The following SEC24C variants were observed in gnomAD, a reference collection of about 807,000 sequenced individuals.
SEC24C encodes the protein protein transport protein Sec24C.
A neutral mutation model predicts 117.0 loss-of-function variants in SEC24C; 22 were observed. The ratio of observed to expected loss-of-function variants is 0.19; its 90% CI spans 0.13 to 0.27. SEC24C has a LOEUF of 0.27. SEC24C is among the 10% of genes least tolerant of loss of function. SEC24C has a pLI of 1.00. For missense variants in SEC24C, 1,155 were observed against 1,375.1 expected (o/e 0.84, Z 2.53); for synonymous variants, 506 against 529.4 (o/e 0.96, Z 0.61).
rs760632075 is a variant in SEC24C, at chr10:73,760,838, A to G, written c.976A>G (p.Ile326Val). The change falls in exon 6 of 23, where the codon ATC becomes GTC. Residue 326 changes from isoleucine (I) to valine (V), a missense_variant. Around this residue, in one of 2 missense-constraint regions of SEC24C, gnomAD observed 759 missense variants for 992.3 expected, o/e 0.76. Transcript: ENST00000345254. ...TCCTAAGCGCCTGGACCCTGATGCC[A>G]TCCCAAGCCCTGTAAGTAGAAACTT... ...LPPKRLDPDAIPSPIQVIEDD... is the reference protein window; with the variant it reads ...LPPKRLDPDAVPSPIQVIEDD... 1 of 1,611,688 alleles carries G rather than the reference A, an allele frequency of 6.2e-7. No homozygotes were observed. Among genetic ancestry groups the G allele is most frequent in the Non-Finnish European group, 8.5e-7 (1 of 1,179,216 alleles).
chr10:73,760,449 T>A, intron 5 of SEC24C, 63 bp downstream of exon 5: 1 of 1,497,684 alleles, frequency 6.7e-7, no homozygotes, highest in Non-Finnish European at 8.9e-7. Context: ...TGGTTTTTGA[T>A]GTTTTTTATT....
chr10:73,766,877 C>G lies in SEC24C; in HGVS notation c.1893+24C>G, dbSNP rs372547849. 6.3e-6 allele frequency: 10 copies of G among 1,588,948 alleles called. No homozygotes were observed. In the African/African-American group the frequency reaches 1.2e-4, roughly 19 times the overall value. ...AGGTAAGGCTGGAGTATCGGGCAACCTCCTCTAACTCCATTTTCCTCTGAC... is the reference window on the plus strand; with the variant it reads ...AGGTAAGGCTGGAGTATCGGGCAACGTCCTCTAACTCCATTTTCCTCTGAC... On this transcript the variant is annotated intron_variant, in intron 13 of 22. Transcript: ENST00000345254.
chr10:73,766,334 A>G lies in SEC24C; in HGVS notation c.1608-16A>G, dbSNP rs766770842. On this transcript the variant is annotated splice_polypyrimidine_tract_variant and intron_variant, in intron 11 of 22. Coordinates refer to ENST00000345254, the MANE Select transcript of SEC24C (RefSeq NM_198597.3). ...GAAAAGGTGGCAAGTCTAGGTAACA[A>G]TGTCACCTTCTACAGGGAGGGTGGG... 3.8e-6 allele frequency: 6 copies of G among 1,591,328 alleles called. No homozygotes were observed. Among genetic ancestry groups the G allele is most frequent in the Non-Finnish European group, 5.1e-6 (6 of 1,166,226 alleles).
rs771180347 is a variant in SEC24C at position 73,746,796 on chromosome 10, C to A, written c.-28-9C>A. 2.6e-6 allele frequency: 4 copies of A among 1,554,186 alleles called. No individual in the cohort carries two copies. The highest frequency in any genetic ancestry group is 2.4e-5 in the South Asian group (2 of 83,462). ...GTTCATTTTGACTAATTTCTCCTCT[C>A]TCTCACAGGTGAGATCAAATTGGGA... On this transcript the variant is annotated splice_polypyrimidine_tract_variant and intron_variant, in intron 1 of 22. Coordinates refer to ENST00000345254, the MANE Select transcript of SEC24C (RefSeq NM_198597.3).
chr10:73,748,794 G>A (rs1173291064), intron 2 of SEC24C, among the ~76,000 whole-genome samples: 2 of 151,662 alleles, frequency 1.3e-5, no homozygotes, highest in South Asian at 4.2e-4. Flanking sequence ...CCAGGCTGGA[G>A]TGCAATGGCA....
In SEC24C at chr10:73,766,192, T is replaced by A. The variant is rs748917945; in HGVS notation, c.1589T>A (p.Leu530Gln). ...CTCCTCTGTGAGGAGCTCAAGTCAC[T>A]GTTAGACTTTCTACCTAGGTGAGAG... ...VRLLCEELKSLLDFLPREGGA... is the reference protein window; with the variant it reads ...VRLLCEELKSQLDFLPREGGA... The change falls in exon 11 of 23, where the codon CTG (leucine) becomes CAG (glutamine). Residue 530 changes from leucine to glutamine, a missense_variant. By Grantham distance (113) the Leu-to-Gln change is moderately radical. This residue lies in a region of SEC24C where 759 missense variants were observed against 992.3 expected (regional missense o/e 0.76). Coordinates refer to ENST00000345254, the MANE Select transcript of SEC24C (RefSeq NM_198597.3). The A allele has an allele frequency of 2.2e-5, 36 of 1,612,740 alleles. No homozygotes were observed. The highest frequency in any genetic ancestry group is 3.3e-4 in the Middle Eastern group (2 of 6,078).
Position 73,760,893 on chromosome 10 carries a change from CCAGATAGGCAG to C in SEC24C, c.987+45_987+55del, listed in dbSNP as rs747656847. Reference sequence around the variant, plus strand: ...GGTCCTGAGGAAGGGTTTGTGTCTGCCAGATAGGCAGGTCAATCTAGATGAAATGTTTGCCT... The same window carrying C: ...GGTCCTGAGGAAGGGTTTGTGTCTGCGTCAATCTAGATGAAATGTTTGCCT... On this transcript the variant is annotated intron_variant, in intron 6 of 22. Transcript: ENST00000345254. The C allele has an allele frequency of 1.2e-5, 19 of 1,544,056 alleles. No individual in the cohort carries two copies. In the South Asian group the frequency reaches 2.1e-4, roughly 17 times the overall value.
At position 73,771,191 on chromosome 10, in the gene SEC24C, G is replaced by T; in HGVS notation, c.*96G>T. ...GACAGTAACATATCTTATGTAAGCT[G>T]ACCTCAGTCTCTCTGGGGGGAGGGG... On this transcript the variant is annotated 3_prime_UTR_variant, in exon 23 of 23. Coordinates refer to ENST00000345254, the MANE Select transcript of SEC24C (RefSeq NM_198597.3). 7.1e-7 allele frequency: 1 copy of T among 1,414,964 alleles called. No homozygotes were observed. Among genetic ancestry groups the T allele is most frequent in the South Asian group, 1.3e-5 (1 of 75,000 alleles). 87.7% of individuals were successfully genotyped at this position (1,414,964 alleles called of 1,614,324 possible).
Position 73,746,897 on chromosome 10 carries a change from G to A in SEC24C, c.65G>A (p.Gly22Glu). 1 of 1,613,856 alleles carries A rather than the reference G, an allele frequency of 6.2e-7. No homozygotes were observed. The highest frequency in any genetic ancestry group is 2.2e-5 in the East Asian group (1 of 44,864). Residue 22 changes from glycine (G) to glutamate (E), a missense_variant, in exon 2 of 23, where the codon GGG becomes GAG. Transcript: ENST00000345254. The part of the protein sequence containing the change: ...PFGQPQPIYP[G>E]YHQSSYGGQS... ...GGGCAGCCCCAGCCCATCTACCCAG[G>A]GTATCATCAGTCCAGCTATGGTGGG...
chr10:73,770,405 C>T lies in SEC24C; in HGVS notation c.2988C>T (p.Ser996=), dbSNP rs145850096. 7.2e-5 allele frequency: 116 copies of T among 1,613,942 alleles called. No individual in the cohort carries two copies. The African/African-American group carries it at 1.3e-3, about 18-fold the overall frequency. The part of the protein sequence containing the change: ...GLNLFLWVGA[S]VQQGVVQSLF... ...ACCTCTTCCTCTGGGTGGGAGCAAGCGTCCAACAGGGTGTTGTCCAGAGCC... is the reference window on the plus strand; with the variant it reads ...ACCTCTTCCTCTGGGTGGGAGCAAGTGTCCAACAGGGTGTTGTCCAGAGCC... The change falls in exon 21 of 23, where the codon AGC becomes AGT. Residue 996 remains serine, a synonymous_variant. Coordinates refer to ENST00000345254, the MANE Select transcript of SEC24C (RefSeq NM_198597.3).
rs1459039491 is a variant in SEC24C at position 73,760,803 on chromosome 10, A to C, written c.941A>C (p.Gln314Pro). The change falls in exon 6 of 23, where the codon CAG becomes CCG. Residue 314 changes from glutamine to proline, a missense_variant. By Grantham distance (76) the Gln-to-Pro change is moderately conservative. Around this residue, in one of 2 missense-constraint regions of SEC24C, gnomAD observed 759 missense variants for 992.3 expected, o/e 0.76. Coordinates refer to ENST00000345254, the MANE Select transcript of SEC24C (RefSeq NM_198597.3). ...PTFGSQPGPP[Q>P]PLPPKRLDPD... ...TTTGGCAGTCAGCCTGGGCCTCCTC[A>C]GCCACTGCCTCCTAAGCGCCTGGAC... 1.5e-5 allele frequency: 25 copies of C among 1,614,016 alleles called. 1 individual carries two copies. The Admixed American group carries it at 2.8e-4, about 18-fold the overall frequency.
intron 3 of SEC24C, among the ~76,000 whole-genome samples, chr10:73,756,945 C>G (rs2132540662): frequency 9.1e-6 from 1 of 110,480 alleles, no homozygotes; most frequent in African/African-American, 3.6e-5. Context: ...AAGTCTCGCT[C>G]TGTCACCCAG....
intron 3 of SEC24C, among the ~76,000 whole-genome samples, chr10:73,759,064 C>T (rs528017659): frequency 1.4e-4 from 22 of 152,246 alleles, no homozygotes; most frequent in African/African-American, 3.6e-4. Context: ...CGCATGGTGG[C>T]GTGTGACTTT....
rs1238737961 is a variant in SEC24C at position 73,769,132 on chromosome 10, G to A, written c.2404G>A (p.Glu802Lys). ...EFKHDDRLNE[E>K]SGALLQCALL... ...CAAGCATGACGATCGGCTCAATGAA[G>A]AGAGCGGAGCTCTCCTGCAGGTGGC... Residue 802 changes from glutamate (E) to lysine (K), a missense_variant, in exon 17 of 23, where the codon GAG (glutamate) becomes AAG (lysine). Physicochemically the swap from Glu to Lys is moderately conservative, Grantham distance 56 (BLOSUM62 1). Around this residue, in one of 2 missense-constraint regions of SEC24C, gnomAD observed 759 missense variants for 992.3 expected, o/e 0.76. Coordinates refer to ENST00000345254, the MANE Select transcript of SEC24C (RefSeq NM_198597.3). The surrounding 1 kb of genome is among the most constrained non-coding windows in gnomAD (Gnocchi z 4.5). The A allele has an allele frequency of 6.2e-7, 1 of 1,614,182 alleles. No homozygotes were observed. The highest frequency in any genetic ancestry group is 1.7e-5 in the Admixed American group (1 of 60,018).
Position 73,769,777 on chromosome 10 carries a change from T to C in SEC24C, c.2682+44T>C. On this transcript the variant is annotated intron_variant, in intron 19 of 22. Coordinates refer to ENST00000345254, the MANE Select transcript of SEC24C (RefSeq NM_198597.3). This position sits in a 1 kb window ranked among gnomAD's most constrained non-coding sequence, Gnocchi z 4.5. The stretch of plus-strand genomic sequence containing the variant: ...TGGGAGGTGGGGTTGTTGGGACAAA[T>C]GTTTGCATTTGGGAGGGATTTCTCA... 1 of 1,612,304 alleles carries C rather than the reference T, an allele frequency of 6.2e-7. No homozygotes were observed. Among genetic ancestry groups the C allele is most frequent in the African/African-American group, 1.3e-5 (1 of 74,992 alleles).
At chr10:73,759,426 A>G (rs2082760859) in intron 3 of SEC24C, among the ~76,000 whole-genome samples, 196 bp from the exon 4 acceptor site, 1 of 152,234 alleles carries the variant, frequency 6.6e-6, no homozygotes, top group South Asian at 2.1e-4. Context: ...AGCTTAATGG[A>G]AAACAAGATT....
chr10:73,744,760 C>G (rs1454652743), intron 1 of SEC24C, among the ~76,000 whole-genome samples: 2 of 152,136 alleles, frequency 1.3e-5, no homozygotes, highest in African/African-American at 4.8e-5. Context: ...ATCCTCGGCT[C>G]TCCGAGGCTC....
At position 73,763,480 on chromosome 10, in the gene SEC24C, T is replaced by G. The variant is rs776584171; in HGVS notation, c.988-10T>G. The stretch of plus-strand genomic sequence containing the variant: ...TCTTCTGTCACCTCATTCATTGCAC[T>G]TCTCTGCAGATTCAGGTCATTGAAG... On this transcript the variant is annotated splice_polypyrimidine_tract_variant and intron_variant, in intron 6 of 22. Coordinates refer to ENST00000345254, the MANE Select transcript of SEC24C (RefSeq NM_198597.3). 6.4e-7 allele frequency: 1 copy of G among 1,574,620 alleles called. No homozygotes were observed. The highest frequency in any genetic ancestry group is 1.3e-5 in the African/African-American group (1 of 74,174).
Position 73,759,668 on chromosome 10 carries a change from A to C in SEC24C, c.355A>C (p.Asn119His), listed in dbSNP as rs2082764359. 26 of 1,577,690 alleles carry C rather than the reference A, an allele frequency of 1.6e-5. No homozygotes were observed. The highest frequency in any genetic ancestry group is 2.2e-5 in the Non-Finnish European group (26 of 1,165,138). ...PFGSPLAPVG[N>H]QPPVLQPYGP... ...TGGGTCCCCATTGGCCCCTGTGGGC[A>C]ACCAGCCACCTGTGCTTCAGCCCTA... The change falls in exon 4 of 23, where the codon AAC becomes CAC. Residue 119 changes from asparagine (N) to histidine (H), a missense_variant. Asn to His is a moderately conservative substitution (Grantham distance 68). This residue lies in a region of SEC24C where 396 missense variants were observed against 382.8 expected (regional missense o/e 1.03). Coordinates refer to ENST00000345254, the MANE Select transcript of SEC24C (RefSeq NM_198597.3).
Sources: gnomAD v4.1 joint callset for allele counts (sites outside exome capture counted in the v4.1 genomes callset) on GRCh38, gnomAD v4.1.1 for gene constraint, gnomAD v4.1.1 regional missense constraint, Gnocchi (gnomAD v3.1) non-coding constraint, MANE v1.5 for transcripts, NCBI Gene and HGNC (gene_info 2026-07-23, HGNC 2026-07-21) for gene names.